ANKS1B: variants seen among roughly 807,000 people sequenced by gnomAD.
The protein encoded by ANKS1B is ankyrin repeat and sterile alpha motif domain containing 1B, also known as ankyrin repeat and sterile alpha motif domain-containing protein 1B.
In ANKS1B, 36 loss-of-function variants were observed where a neutral mutation model predicts 148.3. The ratio of observed to expected loss-of-function variants is 0.24; its 90% CI spans 0.19 to 0.32. The LOEUF is 0.32. Among genes scored for constraint, ANKS1B ranks in the 10% least tolerant of loss-of-function variants. ANKS1B has a pLI of 1.00. For synonymous variants in ANKS1B, 542 were observed against 560.8 expected (o/e 0.97, Z 0.47); for missense variants, 1,157 against 1,542.6 (o/e 0.75, Z 4.19).
At chr12:99,387,535 G>GA (rs912055006) in intron 12 of ANKS1B, among the ~76,000 whole-genome samples, 1 of 152,076 alleles carries the variant, frequency 6.6e-6, no homozygotes, top group Non-Finnish European at 1.5e-5. Context: ...GTTGTTGCTT[G>GA]AACCCCGGAG....
At chr12:99,673,308 G>A (rs2153472321) in intron 8 of ANKS1B, among the ~76,000 whole-genome samples, 1 of 152,118 alleles carries the variant, frequency 6.6e-6, no homozygotes, top group Middle Eastern at 3.4e-3. Context: ...CTTCCAGAAT[G>A]AACACTCAGA....
rs868634343 is a variant in ANKS1B, at chr12:99,484,766, T to G, written c.1438+19710A>C. ...ACCGTCTTTGTGTGTGTGTGTGTGT[T>G]TTTTTTTTTTTTTTTTTACCATTGG... On this transcript the variant is annotated intron_variant, in intron 10 of 26. Transcript: ENST00000683438. Among the ~76,000 whole-genome samples, 315 of 140,750 alleles carry G rather than the reference T, an allele frequency of 2.2e-3. 2 individuals are homozygous for G. Among genetic ancestry groups the G allele is most frequent in the South Asian group, 0.013 (58 of 4,468 alleles). The allele number at this position is 140,750 out of a possible 152,430, so 92.3% of individuals were successfully genotyped here.
chr12:99,338,797 A>C (rs2089420069), intron 12 of ANKS1B, among the ~76,000 whole-genome samples: 1 of 152,156 alleles, frequency 6.6e-6, no homozygotes, highest in African/African-American at 2.4e-5. Flanking sequence ...CTTCTGGTGC[A>C]GGGTATATCT....
chr12:99,469,620 A>G (rs980744283), intron 10 of ANKS1B, among the ~76,000 whole-genome samples: 1 of 152,114 alleles, frequency 6.6e-6, no homozygotes, highest in African/African-American at 2.4e-5. Context: ...GGACAAAACA[A>G]TATTTCATGT....
chr12:99,242,944 A>G (rs2089630704), intron 14 of ANKS1B, among the ~76,000 whole-genome samples: 1 of 152,232 alleles, frequency 6.6e-6, no homozygotes, highest in South Asian at 2.1e-4. Flanking sequence ...AAAATCCTAG[A>G]AGAAAACCTA....
chr12:99,480,017 ATTAT>A (rs1405271128), intron 10 of ANKS1B, among the ~76,000 whole-genome samples: 1 of 151,882 alleles, frequency 6.6e-6, no homozygotes, highest in Non-Finnish European at 1.5e-5. Context: ...ATATACACCT[ATTAT>A]TTGTCAATTA....
chr12:99,699,073 T>C (rs1235639041), intron 8 of ANKS1B, among the ~76,000 whole-genome samples: 2 of 152,306 alleles, frequency 1.3e-5, no homozygotes, highest in East Asian at 3.9e-4. Context: ...TTTTCATTCA[T>C]TCAGATTCAT....
chr12:99,887,341 C>A (rs968999065), intron 1 of ANKS1B, among the ~76,000 whole-genome samples: 1 of 152,154 alleles, frequency 6.6e-6, no homozygotes, highest in African/African-American at 2.4e-5. Flanking sequence ...GTAAAATTCT[C>A]ATTATTTGTT....
chr12:99,242,696 T>C (rs1169303118), intron 14 of ANKS1B, among the ~76,000 whole-genome samples: 1 of 152,084 alleles, frequency 6.6e-6, no homozygotes, highest in African/African-American at 2.4e-5. Context: ...AAAACAGATA[T>C]ATAGACCAAT....
intron 1 of ANKS1B, among the ~76,000 whole-genome samples, chr12:99,950,845 C>T (rs1024025159): frequency 1.5e-4 from 23 of 152,088 alleles, no homozygotes; most frequent in African/African-American, 5.1e-4. Flanking sequence ...AGTCTGTTCT[C>T]CTGAATCCTA....
At chr12:99,345,509 A>G (rs1334645936) in intron 12 of ANKS1B, among the ~76,000 whole-genome samples, 1 of 152,048 alleles carries the variant, frequency 6.6e-6, no homozygotes, top group African/African-American at 2.4e-5. Flanking sequence ...AATATTCTAA[A>G]CTGTATCAGA....
chr12:99,559,463 G>A (rs908289446), intron 9 of ANKS1B, among the ~76,000 whole-genome samples: 1 of 152,094 alleles, frequency 6.6e-6, no homozygotes, highest in East Asian at 1.9e-4. Context: ...TTATGTACTT[G>A]ACAAATTAAC....
At chr12:99,840,692 A>G (rs577025667) in intron 1 of ANKS1B, among the ~76,000 whole-genome samples, 1 of 152,238 alleles carries the variant, frequency 6.6e-6, no homozygotes, top group African/African-American at 2.4e-5. Context: ...CAACTAGAAA[A>G]TTGGAATTGC....
chr12:99,984,509 T>G lies in ANKS1B; in HGVS notation c.-272A>C. On this transcript the variant is annotated 5_prime_UTR_variant, in exon 1 of 27. Transcript: ENST00000683438. ...GCGCCCCCACAGCCACTCCCCTGAATTCCCAAGGCCTCGTTCCCGCGGGTG... is the reference window on the plus strand; with the variant it reads ...GCGCCCCCACAGCCACTCCCCTGAAGTCCCAAGGCCTCGTTCCCGCGGGTG... The G allele has an allele frequency of 2.7e-6, 1 of 365,042 alleles. No homozygotes were observed. Among genetic ancestry groups the G allele is most frequent in the Non-Finnish European group, 5.1e-6 (1 of 198,014 alleles). 22.6% of individuals were successfully genotyped at this position (365,042 alleles called of 1,614,324 possible).
intron 12 of ANKS1B, among the ~76,000 whole-genome samples, chr12:99,381,873 CAAT>C (rs1361908427): frequency 2.0e-5 from 3 of 152,150 alleles, no homozygotes; most frequent in African/African-American, 4.8e-5. Flanking sequence ...GATGTTTAGA[CAAT>C]GATGATAAAA....
intron 2 of ANKS1B, among the ~76,000 whole-genome samples, chr12:99,824,499 CA>C (rs530267431): frequency 0.026 from 2,387 of 93,338 alleles, 56 homozygotes; most frequent in African/African-American, 0.073. Flanking sequence ...GACTCTGTCT[CA>C]AAAAAAAAAA....
At chr12:99,897,674 G>A (rs1468037014) in intron 1 of ANKS1B, among the ~76,000 whole-genome samples, 1 of 150,884 alleles carries the variant, frequency 6.6e-6, no homozygotes, top group Non-Finnish European at 1.5e-5. Flanking sequence ...TAACAAACAA[G>A]TATGCTATTT....
intron 14 of ANKS1B, among the ~76,000 whole-genome samples, chr12:99,164,757 GTT>G (rs1458190774): frequency 4.0e-5 from 6 of 151,832 alleles, no homozygotes; most frequent in African/African-American, 1.5e-4. Flanking sequence ...CAGTTCCTAG[GTT>G]TTGCTGATAA....
In ANKS1B at chr12:98,801,197, T is replaced by G; in HGVS notation, c.3142-72A>C. ...TTCATTCCCTGTAGCTACCCTGAGC[T>G]CACCTTACACACAGGTGCTGTGAAT... On this transcript the variant is annotated intron_variant, in intron 20 of 26. Coordinates refer to ENST00000683438, the MANE Select transcript of ANKS1B (RefSeq NM_001352186.2). This position sits in a 1 kb window ranked among gnomAD's most constrained non-coding sequence, Gnocchi z 5.2. The G allele has an allele frequency of 6.5e-7, 1 of 1,538,968 alleles. No homozygotes were observed. The highest frequency in any genetic ancestry group is 8.9e-7 in the Non-Finnish European group (1 of 1,128,002).
Sources: allele counts gnomAD v4.1 joint callset (sites outside exome capture counted in the v4.1 genomes callset), GRCh38; gene constraint gnomAD v4.1.1; non-coding constraint Gnocchi (gnomAD v3.1); transcripts MANE v1.5; gene names NCBI Gene and HGNC (gene_info 2026-07-23, HGNC 2026-07-21).